Variants in HPSE2 observed in about 807,000 individuals in gnomAD.
The protein encoded by HPSE2 is heparanase 2 (inactive), also known as inactive heparanase-2.
In HPSE2, 38 loss-of-function variants were observed where a neutral mutation model predicts 60.5. That is an observed-to-expected ratio of 0.63 (90% CI 0.48 to 0.82). The LOEUF is 0.82. HPSE2 is among the 40% of genes least tolerant of loss of function. The probability of loss-of-function intolerance (pLI) is 0.00; values close to 1 mark genes in which losing one functional copy is unlikely to be tolerated. For missense variants in HPSE2, 713 were observed against 740.4 expected (o/e 0.96, Z 0.43); for synonymous variants, 295 against 293.2 (o/e 1.01, Z -0.06).
intron 3 of HPSE2, among the ~76,000 whole-genome samples, chr10:98,933,381 C>A (rs529157294): frequency 6.9e-6 from 1 of 144,072 alleles, no homozygotes; most frequent in Non-Finnish European, 1.5e-5. Context: ...ATTATGTGAT[C>A]AATTTTAGAA....
intron 2 of HPSE2, among the ~76,000 whole-genome samples, chr10:99,152,887 G>A (rs1846334453): frequency 6.6e-6 from 1 of 152,206 alleles, no homozygotes; most frequent in African/African-American, 2.4e-5. Context: ...CGGGTCAGTG[G>A]GTGCGCGCAT....
chr10:99,223,723 G>C (rs2133935153), intron 2 of HPSE2, among the ~76,000 whole-genome samples: 1 of 152,156 alleles, frequency 6.6e-6, no homozygotes, highest in Middle Eastern at 3.4e-3. Context: ...TATTTTTATT[G>C]TAAATTCCTA....
the HPSE2 span, among the ~76,000 whole-genome samples, chr10:99,246,864 G>C: frequency 6.6e-6 from 1 of 151,862 alleles, no homozygotes; most frequent in Admixed American, 6.6e-5. Flanking sequence ...GTCCAGTTTT[G>C]CCTAGCTTCT....
At chr10:98,915,344 T>TCA (rs1954090342) in intron 3 of HPSE2, among the ~76,000 whole-genome samples, 1 of 152,020 alleles carries the variant, frequency 6.6e-6, no homozygotes. Flanking sequence ...AGACGGGGTT[T>TCA]CACTGTGTTA....
At chr10:98,693,656 A>C (rs1404799499) in intron 6 of HPSE2, among the ~76,000 whole-genome samples, 1 of 152,238 alleles carries the variant, frequency 6.6e-6, no homozygotes, top group East Asian at 1.9e-4. Flanking sequence ...AAAAGGGTAC[A>C]TAATAGCTGA....
chr10:99,307,775 A>T, the HPSE2 span, among the ~76,000 whole-genome samples: 2 of 151,986 alleles, frequency 1.3e-5, no homozygotes, highest in Non-Finnish European at 2.9e-5. Context: ...TGAATGCAAA[A>T]ATGATAAATA....
chr10:98,959,656 C>A (rs1359023789), intron 3 of HPSE2, among the ~76,000 whole-genome samples: 1 of 152,144 alleles, frequency 6.6e-6, no homozygotes, highest in Non-Finnish European at 1.5e-5. Context: ...ACATAAACTT[C>A]ATCTGCATTT....
chr10:99,175,520 C>T (rs533785701), intron 2 of HPSE2, among the ~76,000 whole-genome samples: 16 of 152,306 alleles, frequency 1.1e-4, no homozygotes, highest in East Asian at 7.7e-4. Flanking sequence ...TCCAACTGGG[C>T]GGAGCCCACC....
At chr10:98,747,287 A>G (rs1474385869) in intron 3 of HPSE2, among the ~76,000 whole-genome samples, 1 of 152,216 alleles carries the variant, frequency 6.6e-6, no homozygotes, top group East Asian at 1.9e-4. Context: ...ACTAAAATCC[A>G]TATCAAATGT....
chr10:99,152,161 A>G (rs936486656), intron 2 of HPSE2, among the ~76,000 whole-genome samples: 1 of 152,046 alleles, frequency 6.6e-6, no homozygotes, highest in South Asian at 2.1e-4. Flanking sequence ...AATACAAAAA[A>G]TTAGCCAGGC....
chr10:99,069,313 G>T (rs949609680), intron 3 of HPSE2, among the ~76,000 whole-genome samples: 2 of 151,974 alleles, frequency 1.3e-5, no homozygotes, highest in Non-Finnish European at 2.9e-5. Flanking sequence ...CATTATCATG[G>T]GGAAATTGAG....
chr10:98,753,672 T>C (rs1402439218), intron 3 of HPSE2, among the ~76,000 whole-genome samples: 1 of 152,144 alleles, frequency 6.6e-6, no homozygotes, highest in Non-Finnish European at 1.5e-5. Flanking sequence ...TGCTTAACCT[T>C]GGGGGCCGGA....
At chr10:98,474,823 C>T (rs1235222162) in intron 11 of HPSE2, among the ~76,000 whole-genome samples, 1 of 152,126 alleles carries the variant, frequency 6.6e-6, no homozygotes, top group African/African-American at 2.4e-5. Flanking sequence ...ATGGCACCAC[C>T]CACAGGCTGC....
At chr10:99,061,692 G>A (rs1412020412) in intron 3 of HPSE2, among the ~76,000 whole-genome samples, 1 of 152,194 alleles carries the variant, frequency 6.6e-6, no homozygotes, top group Non-Finnish European at 1.5e-5. Flanking sequence ...AAGATGGTTA[G>A]GAGCACAGAC....
chr10:98,983,539 C>T (rs1025874035), intron 3 of HPSE2, among the ~76,000 whole-genome samples: 2 of 152,310 alleles, frequency 1.3e-5, no homozygotes, highest in East Asian at 3.9e-4. Context: ...CCATCATTTG[C>T]GATCTCAAGC....
intron 3 of HPSE2, among the ~76,000 whole-genome samples, chr10:99,032,194 G>C (rs1420820050): frequency 6.6e-6 from 1 of 152,140 alleles, no homozygotes; most frequent in Non-Finnish European, 1.5e-5. Flanking sequence ...GTTGTATCTA[G>C]ATTCAGCAGA....
intron 3 of HPSE2, among the ~76,000 whole-genome samples, chr10:98,973,867 G>GA (rs1956020505): frequency 2.0e-5 from 3 of 151,762 alleles, no homozygotes; most frequent in South Asian, 4.2e-4. Flanking sequence ...AAGGGGGGGG[G>GA]AGATATAATT....
upstream of HPSE2, among the ~76,000 whole-genome samples, chr10:99,236,317 C>A (rs1179546064): frequency 6.6e-6 from 1 of 152,042 alleles, no homozygotes; most frequent in African/African-American, 2.4e-5. Flanking sequence ...TTTTTACGTC[C>A]TTCCCTGAGA....
chr10:98,915,893 T>C (rs1328293309), intron 3 of HPSE2, among the ~76,000 whole-genome samples: 1 of 151,872 alleles, frequency 6.6e-6, no homozygotes, highest in Non-Finnish European at 1.5e-5. Flanking sequence ...ATGGAAAGAG[T>C]GCAATGGACA....
Sources: allele counts gnomAD v4.1 joint callset (sites outside exome capture counted in the v4.1 genomes callset), GRCh38; gene constraint gnomAD v4.1.1; transcripts MANE v1.5; gene names NCBI Gene and HGNC (gene_info 2026-07-23, HGNC 2026-07-21).